The following RAMACL variants were observed in gnomAD, a reference collection of about 807,000 sequenced individuals.
RAMACL encodes the protein RNA guanine-7 methyltransferase activating subunit like.
Under a neutral mutation model 13.4 loss-of-function variants are expected in RAMACL, and 9 were observed. The observed-to-expected ratio is 0.67, with a 90% confidence interval of 0.41 to 1.17. The LOEUF (loss-of-function observed/expected upper bound fraction) is 1.17, where lower values mean the gene tolerates loss of function less well. Among genes scored for constraint, RAMACL ranks in the 50% most tolerant of loss-of-function variants. The pLI, the probability that RAMACL is intolerant of heterozygous loss-of-function variation, is 0.01. For missense variants in RAMACL, 124 were observed against 141.6 expected (o/e 0.88, Z 0.63); for synonymous variants, 39 against 49.3 (o/e 0.79, Z 0.88).
exon 1 of RAMACL, chr6:166,586,402 A>G: frequency 6.9e-6 from 11 of 1,599,526 alleles, no homozygotes; most frequent in Non-Finnish European, 9.3e-6. Flanking sequence ...TATTCCTGAT[A>G]CTCCTTGTCA....
chr6:166,586,488 C>G (rs1260161822), exon 1 of RAMACL: 1 of 1,594,062 alleles, frequency 6.3e-7, no homozygotes, highest in Non-Finnish European at 8.5e-7. Context: ...TCTGAAAATC[C>G]CAAAGGTTTG....
chr6:166,584,018 AC>A (rs1161521740), downstream of RAMACL, among the ~76,000 whole-genome samples: 2 of 152,228 alleles, frequency 1.3e-5, no homozygotes, highest in African/African-American at 4.8e-5. Context: ...CAGGTGTGCA[AC>A]GAAACAAGGT....
downstream of RAMACL, among the ~76,000 whole-genome samples, chr6:166,583,153 A>T (rs1388257845): frequency 6.6e-6 from 1 of 152,246 alleles, no homozygotes; most frequent in African/African-American, 2.4e-5. Context: ...TCAAGGTATC[A>T]TATTACACAT....
downstream of RAMACL, among the ~76,000 whole-genome samples, chr6:166,584,353 G>A (rs1785107005): frequency 6.6e-6 from 1 of 152,140 alleles, no homozygotes; most frequent in Non-Finnish European, 1.5e-5. Context: ...CTTCCTTACA[G>A]GCCCTTTCTC....
At chr6:166,583,950 C>T (rs9459698), downstream of RAMACL, among the ~76,000 whole-genome samples, 7,081 of 152,260 alleles carry the variant, frequency 0.047, 572 homozygotes, top group African/African-American at 0.16. Flanking sequence ...GTGATAGTGA[C>T]CCTCTAAGGG....
At chr6:166,583,759 C>T (rs971459973), downstream of RAMACL, among the ~76,000 whole-genome samples, 6 of 152,202 alleles carry the variant, frequency 3.9e-5, no homozygotes, top group African/African-American at 1.4e-4. Context: ...TGTTTCAGTC[C>T]AGGAGGCATC....
chr6:166,585,498 CT>C (rs58153048), downstream of RAMACL, among the ~76,000 whole-genome samples: 12,393 of 86,236 alleles, frequency 0.14, 639 homozygotes, highest in South Asian at 0.2. Flanking sequence ...TCAAACAAGT[CT>C]TTTTTTTTTT....
In RAMACL at chr6:166,586,368, G is replaced by A. The variant is rs553623143; in HGVS notation, c.110C>T (p.Pro37Leu). 11 of 1,599,506 alleles carry A rather than the reference G, an allele frequency of 6.9e-6. No individual in the cohort carries two copies. The East Asian group carries it at 1.6e-4, about 23-fold the overall frequency. Reference sequence around the variant, plus strand: ...GCTATTCCATTCCTCAACAATTGGAGGAGACTCAGGAGGGCGTTTCAGGTA... The same window carrying A: ...GCTATTCCATTCCTCAACAATTGGAAGAGACTCAGGAGGGCGTTTCAGGTA... Residue 37 changes from proline to leucine, a missense_variant, in exon 1 of 1, where the codon CCT (proline) becomes CTT (leucine). Coordinates refer to ENST00000444122, the Ensembl canonical transcript of RAMACL.
exon 1 of RAMACL, among the ~76,000 whole-genome samples, chr6:166,585,928 T>C (rs1167091728): frequency 4.1e-5 from 1 of 24,606 alleles, no homozygotes; most frequent in Non-Finnish European, 6.8e-5. Flanking sequence ...AGCAATATAA[T>C]CCACAGTTTC....
downstream of RAMACL, among the ~76,000 whole-genome samples, chr6:166,585,093 T>C (rs376843281): frequency 3.9e-5 from 6 of 152,186 alleles, no homozygotes; most frequent in Admixed American, 1.3e-4. Flanking sequence ...GCTACAACGA[T>C]GTGGGGTGCA....
At chr6:166,584,145 C>G (rs1048345680), downstream of RAMACL, among the ~76,000 whole-genome samples, 3 of 152,226 alleles carry the variant, frequency 2.0e-5, no homozygotes, top group Admixed American at 2.0e-4. Flanking sequence ...TCCCATAGTT[C>G]TGGAAGCTGG....
exon 1 of RAMACL, chr6:166,586,340 T>C: frequency 6.3e-7 from 1 of 1,599,574 alleles, no homozygotes; most frequent in Non-Finnish European, 8.5e-7. Context: ...TCCCACCAGC[T>C]CTGCTATTCC....
exon 1 of RAMACL, chr6:166,585,991 G>C (rs1785157274): frequency 4.1e-6 from 2 of 485,008 alleles, no homozygotes; most frequent in Non-Finnish European, 6.4e-6. Flanking sequence ...TTTTTTTAAA[G>C]TCTCAACTTC....
At position 166,585,630 on chromosome 6, in the gene RAMACL, C is replaced by CA. The variant is rs757455295; in HGVS notation, c.*490dup. On this transcript the variant is annotated 3_prime_UTR_variant, in exon 1 of 1. Transcript: ENST00000444122. ...AAGTACCATAGTCACTTAACAAATG[C>CA]AAAAAAAAAAAAAAGCAATTGTTTT... Among the ~76,000 whole-genome samples the CA allele has an allele frequency of 4.2e-3, 133 of 31,966 alleles. 1 individual carries two copies. Among genetic ancestry groups the CA allele is most frequent in the South Asian group, 0.017 (17 of 972 alleles). 21.0% of individuals were successfully genotyped at this position (31,966 alleles called of 152,430 possible). A position where few individuals can be genotyped will look rare whatever the true frequency, so the allele number is the denominator to read the frequency against.
downstream of RAMACL, among the ~76,000 whole-genome samples, chr6:166,583,368 G>A (rs567349772): frequency 6.6e-5 from 10 of 152,250 alleles, no homozygotes; most frequent in African/African-American, 1.4e-4. Flanking sequence ...CTGCGGAAAC[G>A]GCTCCCTCCA....
chr6:166,585,966 G>A (rs1193058109), exon 1 of RAMACL, among the ~76,000 whole-genome samples: 2 of 33,528 alleles, frequency 6.0e-5, no homozygotes, highest in African/African-American at 5.4e-4. Context: ...ATCGCATTTC[G>A]CAAGTAAGAT....
At chr6:166,584,179 C>CATTT (rs1263332064), downstream of RAMACL, among the ~76,000 whole-genome samples, 1 of 152,218 alleles carries the variant, frequency 6.6e-6, no homozygotes, top group East Asian at 1.9e-4. Context: ...AGGTGCCAGC[C>CATTT]ATTTGGTCCT....
downstream of RAMACL, among the ~76,000 whole-genome samples, chr6:166,583,210 G>A (rs1785072729): frequency 6.6e-6 from 1 of 152,198 alleles, no homozygotes; most frequent in African/African-American, 2.4e-5. Context: ...AGCTAAAAGT[G>A]CTGAATTCTT....
downstream of RAMACL, among the ~76,000 whole-genome samples, chr6:166,583,985 T>G (rs1785097382): frequency 6.6e-6 from 1 of 152,226 alleles, no homozygotes; most frequent in Non-Finnish European, 1.5e-5. Flanking sequence ...CATCTTAAAA[T>G]GTATTTTATA....
Sources: gnomAD v4.1 joint callset for allele counts (sites outside exome capture counted in the v4.1 genomes callset) on GRCh38, gnomAD v4.1.1 for gene constraint, MANE v1.5 for transcripts, NCBI Gene and HGNC (gene_info 2026-07-23, HGNC 2026-07-21) for gene names.